Variants in TMEM106B observed in about 807,000 individuals in gnomAD.
The protein encoded by TMEM106B is transmembrane protein 106B.
A neutral mutation model predicts 31.1 loss-of-function variants in TMEM106B; 15 were observed. The ratio of observed to expected loss-of-function variants is 0.48; its 90% confidence interval spans 0.32 to 0.74. TMEM106B has a LOEUF of 0.74. Ranked by LOEUF, TMEM106B falls within the 30% of genes least tolerant of loss-of-function variation. The pLI, the probability that TMEM106B is intolerant of heterozygous loss-of-function variation, is 0.03. For missense variants in TMEM106B, 283 were observed against 327.3 expected (o/e 0.86, Z 1.04); for synonymous variants, 126 against 112.5 (o/e 1.12, Z -0.76).
rs1782255948 is a variant in TMEM106B, at chr7:12,242,764, C to T, written c.*10789C>T. 1 of 152,024 alleles carries T rather than the reference C, an allele frequency of 6.6e-6. No individual in the cohort carries two copies. The highest frequency in any genetic ancestry group is 2.4e-5 in the African/African-American group (1 of 41,402). 9.4% of individuals were successfully genotyped at this position (152,024 alleles called of 1,614,324 possible). On this transcript the variant is annotated 3_prime_UTR_variant, in exon 8 of 8. Transcript: ENST00000396668. Reference sequence around the variant, plus strand: ...TTCCTTCCTAAAATACTGTTAATAGCTGGCTATTTTGTAAGCCTGTATCTG... The same window carrying T: ...TTCCTTCCTAAAATACTGTTAATAGTTGGCTATTTTGTAAGCCTGTATCTG...
In TMEM106B at chr7:12,233,729, A is replaced by G. The variant is rs1280618740; in HGVS notation, c.*1754A>G. ...TCTTCTGCTACGTTTCCTGACTACT[A>G]CTGCATACTTCTCTGATACAGGTTC... On this transcript the variant is annotated 3_prime_UTR_variant, in exon 8 of 8. Coordinates refer to ENST00000396668, the MANE Select transcript of TMEM106B (RefSeq NM_001134232.2). 1 of 151,078 alleles carries G rather than the reference A, an allele frequency of 6.6e-6. No individual in the cohort carries two copies. The allele number at this position is 151,078 out of a possible 1,614,324, so 9.4% of individuals were successfully genotyped here.
chr7:12,218,061 T>A (rs919737836), intron 2 of TMEM106B, among the ~76,000 whole-genome samples: 1 of 152,058 alleles, frequency 6.6e-6, no homozygotes, highest in Non-Finnish European at 1.5e-5. Flanking sequence ...ATAGAGATGA[T>A]AGAGGTTTCA....
rs567910377 is a variant in TMEM106B, at chr7:12,240,499, C to G, written c.*8524C>G. ...CAGCTTAGAGGTTGTGTTTTAATTA[C>G]TATTTTTAAAATCTTGTATGAGGTA... On this transcript the variant is annotated 3_prime_UTR_variant, in exon 8 of 8. Transcript: ENST00000396668. 6.6e-6 allele frequency: 1 copy of G among 152,130 alleles called. No individual in the cohort carries two copies. The highest frequency in any genetic ancestry group is 1.5e-5 in the Non-Finnish European group (1 of 68,006). The allele number at this position is 152,130 out of a possible 1,614,324, so 9.4% of individuals were successfully genotyped here. A position where few individuals can be genotyped will look rare whatever the true frequency, so the allele number is the denominator to read the frequency against.
At position 12,211,439 on chromosome 7, in the gene TMEM106B, G is replaced by T. The variant is rs1174136776; in HGVS notation, c.-3+14G>T. 1 of 152,552 alleles carries T rather than the reference G, an allele frequency of 6.6e-6. No individual in the cohort carries two copies. The highest frequency in any genetic ancestry group is 2.4e-5 in the African/African-American group (1 of 41,484). 9.4% of individuals were successfully genotyped at this position (152,552 alleles called of 1,614,324 possible). On this transcript the variant is annotated intron_variant, in intron 1 of 7. Coordinates refer to ENST00000396668, the MANE Select transcript of TMEM106B (RefSeq NM_001134232.2). ...CCCCGCGTGCCGGTGAGCGACCCCG[G>T]ACGTGCAGTCCCCAGGTCCCCTTCC... is the stretch of plus-strand genomic sequence containing the variant.
At chr7:12,218,863 C>T (rs886864086) in intron 3 of TMEM106B, among the ~76,000 whole-genome samples, 9 of 152,088 alleles carry the variant, frequency 5.9e-5, no homozygotes, top group Admixed American at 2.0e-4. Flanking sequence ...AACATGGTGA[C>T]AGCAGGGACC....
At chr7:12,223,744 A>G (rs11981005) in intron 3 of TMEM106B, among the ~76,000 whole-genome samples, 91,342 of 144,624 alleles carry the variant, frequency 0.63, 29,950 homozygotes, top group African/African-American at 0.82. Flanking sequence ...TTTTTGGTAC[A>G]GAGTCTCGCT....
At chr7:12,222,975 A>T (rs1053435952) in intron 3 of TMEM106B, among the ~76,000 whole-genome samples, 3 of 152,130 alleles carry the variant, frequency 2.0e-5, no homozygotes, top group Non-Finnish European at 2.9e-5. Context: ...AAAATGGAAA[A>T]TTTTTGTATA....
At chr7:12,213,836 A>G (rs950464919) in intron 1 of TMEM106B, among the ~76,000 whole-genome samples, 6 of 152,178 alleles carry the variant, frequency 3.9e-5, no homozygotes, top group Non-Finnish European at 8.8e-5. Context: ...GAGCCCCCCA[A>G]CTAAGTGGAA....
chr7:12,231,191 C>T, intron 7 of TMEM106B, 76 bp downstream of exon 7: 3 of 1,072,940 alleles, frequency 2.8e-6, no homozygotes, highest in South Asian at 2.8e-5. Context: ...ATAATATACA[C>T]AACATCTTTA....
In TMEM106B at chr7:12,229,666, C is replaced by T; in HGVS notation, c.442-13C>T. On this transcript the variant is annotated splice_polypyrimidine_tract_variant and intron_variant, in intron 4 of 7. Transcript: ENST00000396668. Reference sequence around the variant, plus strand: ...TAGCTAACTTGTAAATTTTCTGTGTCCTTTTTTTGTAGAACACACTAAATA... The same window carrying T: ...TAGCTAACTTGTAAATTTTCTGTGTTCTTTTTTTGTAGAACACACTAAATA... 2.6e-6 allele frequency: 4 copies of T among 1,521,962 alleles called. No homozygotes were observed. Among genetic ancestry groups the T allele is most frequent in the East Asian group, 2.4e-5 (1 of 41,914 alleles). 94.3% of individuals were successfully genotyped at this position (1,521,962 alleles called of 1,614,324 possible).
chr7:12,224,617 T>C lies in TMEM106B; in HGVS notation c.441+232T>C, dbSNP rs186687285. On this transcript the variant is annotated intron_variant, in intron 4 of 7. Coordinates refer to ENST00000396668, the MANE Select transcript of TMEM106B (RefSeq NM_001134232.2). ...ATGATTTAGCATTTGAAAATGTCTT[T>C]AGGAGGGTAAAATAAACTAAAAAAA... Among the ~76,000 whole-genome samples, 232 of 141,372 alleles carry C rather than the reference T, an allele frequency of 1.6e-3. 1 individual carries two copies. Among genetic ancestry groups the C allele is most frequent in the African/African-American group, 5.9e-3 (215 of 36,206 alleles). 92.7% of individuals were successfully genotyped at this position (141,372 alleles called of 152,430 possible).
At position 12,238,813 on chromosome 7, in the gene TMEM106B, G is replaced by A. The variant is rs1009439035; in HGVS notation, c.*6838G>A. The A allele has an allele frequency of 6.6e-6, 1 of 152,046 alleles. No individual in the cohort carries two copies. The highest frequency in any genetic ancestry group is 2.1e-4 in the South Asian group (1 of 4,826). 9.4% of individuals were successfully genotyped at this position (152,046 alleles called of 1,614,324 possible). A position where few individuals can be genotyped will look rare whatever the true frequency, so the allele number is the denominator to read the frequency against. ...GGGCTTAAAATATTCAGTGAACCGT[G>A]TTGTAAACAGATGTCATATTATCCA... On this transcript the variant is annotated 3_prime_UTR_variant, in exon 8 of 8. Transcript: ENST00000396668.
At chr7:12,230,298 A>G in intron 5 of TMEM106B, 91 bp from the exon 6 acceptor site, 5 of 955,096 alleles carry the variant, frequency 5.2e-6, no homozygotes, top group South Asian at 1.4e-5. Context: ...AAAAGGAGAA[A>G]AATTTCTAAT....
chr7:12,220,963 A>T (rs1178627188), intron 3 of TMEM106B, among the ~76,000 whole-genome samples: 1 of 152,162 alleles, frequency 6.6e-6, no homozygotes, highest in Non-Finnish European at 1.5e-5. Flanking sequence ...AAAACACCAC[A>T]CACTCAAACC....
intron 4 of TMEM106B, among the ~76,000 whole-genome samples, chr7:12,224,896 C>G (rs1254009162): frequency 1.3e-5 from 2 of 149,572 alleles, no homozygotes; most frequent in Non-Finnish European, 3.0e-5. Flanking sequence ...TTATTAAGTT[C>G]TAGGGTACAT....
At chr7:12,225,489 T>C (rs531348168) in intron 4 of TMEM106B, among the ~76,000 whole-genome samples, 205 of 152,326 alleles carry the variant, frequency 1.3e-3, no homozygotes, top group African/African-American at 4.9e-3. Flanking sequence ...CCTCCAACAG[T>C]GTAAAAGTGT....
intron 4 of TMEM106B, among the ~76,000 whole-genome samples, chr7:12,225,308 A>T (rs1014977166): frequency 1.3e-5 from 2 of 152,238 alleles, no homozygotes; most frequent in African/African-American, 4.8e-5. Context: ...TACTATTGTG[A>T]ATAGTGCTGC....
intron 4 of TMEM106B, among the ~76,000 whole-genome samples, chr7:12,229,437 T>C (rs944654773): frequency 6.6e-6 from 1 of 152,206 alleles, no homozygotes; most frequent in African/African-American, 2.4e-5. Flanking sequence ...CTAATGTCCA[T>C]ATTCTGAAGC....
At chr7:12,214,088 C>T (rs1781635939) in intron 1 of TMEM106B, 1 of 152,176 alleles carries the variant, frequency 6.6e-6, no homozygotes, top group African/African-American at 2.4e-5. Flanking sequence ...ATAGCAGGCC[C>T]TGAGAGAAAT....
Sources: allele counts gnomAD v4.1 joint callset (sites outside exome capture counted in the v4.1 genomes callset), GRCh38; gene constraint gnomAD v4.1.1; transcripts MANE v1.5; gene names NCBI Gene and HGNC (gene_info 2026-07-23, HGNC 2026-07-21).